The following RFX3 variants were observed in gnomAD, a reference collection of about 807,000 sequenced individuals.
The protein encoded by RFX3 is regulatory factor X3.
Under a neutral mutation model 98.6 loss-of-function variants are expected in RFX3, and 14 were observed. That is an observed-to-expected ratio of 0.14 (90% confidence interval 0.09 to 0.22). The LOEUF is 0.22. Among genes scored for constraint, RFX3 ranks in the 10% least tolerant of loss-of-function variants. The pLI is 1.00. For synonymous variants in RFX3, 383 were observed against 328.4 expected, an observed-to-expected ratio of 1.17 and a Z score of -1.80; for missense variants, 639 against 926.9, an observed-to-expected ratio of 0.69 and a Z score of 4.03.
At chr9:3,524,455 C>A in intron 1 of RFX3, 1 of 926,578 alleles carries the variant, frequency 1.1e-6, no homozygotes, top group Non-Finnish European at 1.3e-6. Flanking sequence ...AGATCTTAAC[C>A]AGAAAGAAAG....
rs1826869804 is a variant in RFX3 at position 3,288,051 on chromosome 9, G to A, written c.851+80C>T. On this transcript the variant is annotated intron_variant, in intron 7 of 16. Transcript: ENST00000617270. Reference sequence around the variant, plus strand: ...AATAAGAACGTTCTTTTATACTTAGGTATTTGTTCAGAAAAAAGGAGACCC... The same window carrying A: ...AATAAGAACGTTCTTTTATACTTAGATATTTGTTCAGAAAAAAGGAGACCC... 1.9e-5 allele frequency: 25 copies of A among 1,287,206 alleles called. No homozygotes were observed. The South Asian group carries it at 3.3e-4, about 17-fold the overall frequency. The allele number at this position is 1,287,206 out of a possible 1,614,324, so 79.7% of individuals were successfully genotyped here.
At chr9:3,467,369 G>A (rs1469635761) in intron 1 of RFX3, among the ~76,000 whole-genome samples, 1 of 149,482 alleles carries the variant, frequency 6.7e-6, no homozygotes, top group Non-Finnish European at 1.5e-5. Flanking sequence ...ACTGAGCCAA[G>A]GCTTTCTTTC....
chr9:3,265,173 A>T (rs1481135816), intron 12 of RFX3, among the ~76,000 whole-genome samples: 1 of 152,176 alleles, frequency 6.6e-6, no homozygotes, highest in Non-Finnish European at 1.5e-5. Flanking sequence ...GCTACTGAGC[A>T]CTCAAAATGT....
intron 4 of RFX3, among the ~76,000 whole-genome samples, chr9:3,328,648 T>G (rs1000536161): frequency 6.6e-6 from 1 of 152,052 alleles, no homozygotes; most frequent in Non-Finnish European, 1.5e-5. Flanking sequence ...TAGTAACAAA[T>G]AGCGAATTAA....
intron 2 of RFX3, among the ~76,000 whole-genome samples, chr9:3,350,690 T>A (rs1835002869): frequency 1.3e-5 from 2 of 152,230 alleles, no homozygotes; most frequent in South Asian, 4.1e-4. Context: ...GACGGAAGAA[T>A]AAACTGCACT....
chr9:3,525,846 G>A lies in RFX3; in HGVS notation c.-108C>T. The A allele has an allele frequency of 1.0e-6, 1 of 983,888 alleles. No individual in the cohort carries two copies. Among genetic ancestry groups the A allele is most frequent in the Non-Finnish European group, 1.2e-6 (1 of 828,084 alleles). The allele number at this position is 983,888 out of a possible 1,614,324, so 60.9% of individuals were successfully genotyped here. On this transcript the variant is annotated 5_prime_UTR_variant, in exon 1 of 17. Coordinates refer to ENST00000617270, the MANE Select transcript of RFX3 (RefSeq NM_001282116.2). ...GAGGAGGAGGAGGAGAGGAGTAGTT[G>A]TTGTTGATGGGTAACAGTCGCCAGG...
chr9:3,226,367 C>G (rs1455132275), intron 16 of RFX3, among the ~76,000 whole-genome samples: 5 of 152,152 alleles, frequency 3.3e-5, no homozygotes, highest in Non-Finnish European at 7.4e-5. Context: ...CTTGACTTTT[C>G]TTATTTCATT....
At chr9:3,433,423 TTTC>T (rs1391593696) in intron 1 of RFX3, among the ~76,000 whole-genome samples, 1 of 152,190 alleles carries the variant, frequency 6.6e-6, no homozygotes, top group Non-Finnish European at 1.5e-5. Flanking sequence ...TTGGTAGCAT[TTTC>T]TTCTCTCTAG....
At position 3,288,083 on chromosome 9, in the gene RFX3, C is replaced by T. The variant is rs762197035; in HGVS notation, c.851+48G>A. The T allele has an allele frequency of 3.2e-6, 5 of 1,586,264 alleles. No individual in the cohort carries two copies. The Admixed American group carries it at 8.5e-5, about 27-fold the overall frequency. ...TTCAGAAAAAAGGAGACCCGAACAA[C>T]TAAGAAATACATAGCTTGGACACAT... On this transcript the variant is annotated intron_variant, in intron 7 of 16. Transcript: ENST00000617270.
chr9:3,362,822 C>G (rs755531568), intron 2 of RFX3, among the ~76,000 whole-genome samples: 2 of 152,142 alleles, frequency 1.3e-5, no homozygotes, highest in Non-Finnish European at 2.9e-5. Flanking sequence ...AGACTGGCAT[C>G]AAAGAGCAGA....
intron 1 of RFX3, among the ~76,000 whole-genome samples, chr9:3,442,356 G>A: frequency 6.6e-6 from 1 of 151,864 alleles, no homozygotes; most frequent in Non-Finnish European, 1.5e-5. Context: ...CAGAACCCCT[G>A]TGTAATCAAG....
chr9:3,391,373 A>G (rs955615536), intron 2 of RFX3, among the ~76,000 whole-genome samples: 2 of 152,196 alleles, frequency 1.3e-5, no homozygotes, highest in African/African-American at 2.4e-5. Flanking sequence ...ATGCTTCTAA[A>G]TAAGTCTGGG....
intron 2 of RFX3, among the ~76,000 whole-genome samples, chr9:3,376,818 A>T (rs1021267594): frequency 1.3e-5 from 2 of 152,270 alleles, no homozygotes; most frequent in Non-Finnish European, 1.5e-5. Context: ...GAAGACATTT[A>T]TGCAGCCAAC....
chr9:3,463,566 C>G (rs2133091629), intron 1 of RFX3, among the ~76,000 whole-genome samples: 1 of 151,688 alleles, frequency 6.6e-6, no homozygotes. Flanking sequence ...CACAAGCCCA[C>G]AGACTTGGAA....
At chr9:3,325,304 T>C (rs529801963) in intron 4 of RFX3, among the ~76,000 whole-genome samples, 1 of 152,256 alleles carries the variant, frequency 6.6e-6, no homozygotes, top group East Asian at 1.9e-4. Context: ...AATTCTTAAA[T>C]GAATTCTTAA....
chr9:3,497,357 C>T (rs1397738575), intron 1 of RFX3, among the ~76,000 whole-genome samples: 3 of 151,858 alleles, frequency 2.0e-5, no homozygotes, highest in Admixed American at 6.6e-5. Context: ...AAGTGATGCC[C>T]AAATTTAAAT....
intron 1 of RFX3, among the ~76,000 whole-genome samples, chr9:3,414,685 T>C (rs1010525029): frequency 7.4e-6 from 1 of 135,112 alleles, no homozygotes; most frequent in Non-Finnish European, 1.5e-5. Flanking sequence ...TATATGAGTA[T>C]ATATGTATAT....
intron 1 of RFX3, among the ~76,000 whole-genome samples, chr9:3,516,294 C>T (rs1302593798): frequency 6.6e-6 from 1 of 152,098 alleles, no homozygotes; most frequent in African/African-American, 2.4e-5. Flanking sequence ...GTGATCCACC[C>T]GCCTCAGCCT....
At chr9:3,233,578 G>C (rs1818759521) in intron 15 of RFX3, among the ~76,000 whole-genome samples, 1 of 152,158 alleles carries the variant, frequency 6.6e-6, no homozygotes. Flanking sequence ...TAGGAGAGAA[G>C]GAAAGAGCTC....
Sources: allele counts gnomAD v4.1 joint callset (sites outside exome capture counted in the v4.1 genomes callset), GRCh38; gene constraint gnomAD v4.1.1; transcripts MANE v1.5; gene names NCBI Gene and HGNC (gene_info 2026-07-23, HGNC 2026-07-21).